RANBP2: variants seen among roughly 807,000 people sequenced by gnomAD.
RANBP2 encodes the protein E3 SUMO-protein ligase RanBP2.
Under a neutral mutation model 303.6 loss-of-function variants are expected in RANBP2, and 57 were observed. That is an observed-to-expected ratio of 0.19 (90% CI 0.15 to 0.23). The LOEUF is 0.23. Ranked by LOEUF, RANBP2 falls within the 10% of genes least tolerant of loss-of-function variation. The probability of loss-of-function intolerance (pLI) is 1.00; values close to 1 mark genes in which losing one functional copy is unlikely to be tolerated. For synonymous variants in RANBP2, 1,167 were observed against 1,301.5 expected, an observed-to-expected ratio of 0.90 and a Z score of 2.23; for missense variants, 3,138 against 3,780.8, an observed-to-expected ratio of 0.83 and a Z score of 4.46.
At chr2:109,142,569 T>C in the RANBP2 span, among the ~76,000 whole-genome samples, 3 of 152,250 alleles carry the variant, frequency 2.0e-5, no homozygotes, top group East Asian at 5.8e-4. Context: ...CCCCAGTGGC[T>C]GAGGGAGGAG....
chr2:109,144,222 C>T, the RANBP2 span, among the ~76,000 whole-genome samples: 5 of 152,240 alleles, frequency 3.3e-5, no homozygotes, highest in Non-Finnish European at 5.9e-5. Context: ...AAGGTAACCA[C>T]GTGAGGTGAT....
chr2:108,795,058 T>C, the RANBP2 span, among the ~76,000 whole-genome samples: 153 of 26,106 alleles, frequency 5.9e-3, no homozygotes, highest in African/African-American at 7.4e-3. Context: ...TAAGTACTTA[T>C]ATATAAAAAG....
At chr2:109,019,232 G>A in the RANBP2 span, among the ~76,000 whole-genome samples, 1,009 of 152,340 alleles carry the variant, frequency 6.6e-3, 26 homozygotes, top group East Asian at 0.077. Context: ...ATCAGGCTTG[G>A]TTTGCATTAG....
chr2:109,423,966 A>G, the RANBP2 span, among the ~76,000 whole-genome samples: 1 of 152,214 alleles, frequency 6.6e-6, no homozygotes, highest in Non-Finnish European at 1.5e-5. Context: ...TCTGGATGAC[A>G]TAGACCCTGG....
At chr2:109,658,468 A>G in the RANBP2 span, among the ~76,000 whole-genome samples, 1 of 152,092 alleles carries the variant, frequency 6.6e-6, no homozygotes, top group Middle Eastern at 3.2e-3. Context: ...AAAGATATAA[A>G]TCAGAACCAC....
At chr2:108,958,941 G>A in the RANBP2 span, among the ~76,000 whole-genome samples, 1 of 152,226 alleles carries the variant, frequency 6.6e-6, no homozygotes, top group African/African-American at 2.4e-5. Flanking sequence ...CCACATCATG[G>A]AATGCCACTT....
chr2:108,768,377 C>T lies in RANBP2; in HGVS notation c.7838C>T (p.Thr2613Ile). Residue 2613 changes from threonine to isoleucine, a missense_variant, in exon 20 of 29, where the codon ACA (threonine) becomes ATA (isoleucine). Physicochemically the swap from Thr to Ile is moderately conservative, Grantham distance 89. Around this residue, in one of 20 missense-constraint regions of RANBP2, gnomAD observed 497 missense variants for 465.8 expected, o/e 1.07. Coordinates refer to ENST00000283195, the MANE Select transcript of RANBP2 (RefSeq NM_006267.5). Reference protein sequence around the residue: ...EESSINYTFKTPEKAKEKKKP... With the variant: ...EESSINYTFKIPEKAKEKKKP... ...TCTTCAATCAACTACACATTTAAAA[C>T]ACCAGAAAAGGGTAAGTACTTTGTT... 6 of 1,611,528 alleles carry T rather than the reference C, an allele frequency of 3.7e-6. No homozygotes were observed. Among genetic ancestry groups the T allele is most frequent in the Non-Finnish European group, 5.1e-6 (6 of 1,179,848 alleles).
the RANBP2 span, among the ~76,000 whole-genome samples, chr2:109,636,678 C>G: frequency 6.6e-6 from 1 of 152,138 alleles, no homozygotes. Flanking sequence ...TGGCTCACAC[C>G]TATAATCCCA....
the RANBP2 span, among the ~76,000 whole-genome samples, chr2:109,686,237 AAGTTCT>A: frequency 6.6e-6 from 1 of 152,236 alleles, no homozygotes; most frequent in East Asian, 1.9e-4. Flanking sequence ...TGGCCACTGG[AAGTTCT>A]ACGGGAGGCT....
At chr2:109,638,750 C>T in the RANBP2 span, among the ~76,000 whole-genome samples, 8 of 152,062 alleles carry the variant, frequency 5.3e-5, no homozygotes, top group East Asian at 1.9e-4. Flanking sequence ...ATTCTTTTAA[C>T]GGCTCATTCA....
At chr2:108,809,800 GT>G in the RANBP2 span, among the ~76,000 whole-genome samples, 1 of 16,970 alleles carries the variant, frequency 5.9e-5, no homozygotes, top group East Asian at 9.3e-3. Context: ...TCCAATTTTT[GT>G]TTGTTTGTTT....
chr2:109,633,859 C>G, the RANBP2 span, among the ~76,000 whole-genome samples: 3 of 149,114 alleles, frequency 2.0e-5, no homozygotes, highest in Admixed American at 6.9e-5. Flanking sequence ...CAATGGCTCA[C>G]GTCTGTAATT....
At chr2:109,203,171 T>C in the RANBP2 span, among the ~76,000 whole-genome samples, 1 of 138,656 alleles carries the variant, frequency 7.2e-6, no homozygotes, top group Admixed American at 6.8e-5. Flanking sequence ...TTGAGTGACA[T>C]CCTCATTGAG....
chr2:109,449,450 C>CA, the RANBP2 span: 1 of 1,613,992 alleles, frequency 6.2e-7, no homozygotes, highest in Non-Finnish European at 8.5e-7. Flanking sequence ...CCAGCCCCAC[C>CA]AACACGGGAT....
the RANBP2 span, among the ~76,000 whole-genome samples, chr2:109,002,346 T>C: frequency 5.1e-4 from 78 of 152,322 alleles, no homozygotes; most frequent in African/African-American, 1.8e-3. Flanking sequence ...TTAGGTTTAA[T>C]GCAAAGGGCA....
the RANBP2 span, among the ~76,000 whole-genome samples, chr2:109,628,314 C>G: frequency 1.3e-3 from 192 of 152,090 alleles, 1 homozygote; most frequent in Middle Eastern, 6.8e-3. Context: ...GCCAACATAG[C>G]AAAACCTCAT....
chr2:108,849,811 C>A, the RANBP2 span, among the ~76,000 whole-genome samples: 2 of 152,246 alleles, frequency 1.3e-5, no homozygotes, highest in African/African-American at 2.4e-5. Context: ...CAGTGTTCAT[C>A]TACTACCTGG....
At position 108,784,033 on chromosome 2, in the gene RANBP2, T is replaced by TA; in HGVS notation, c.*133dup. 1 of 864,936 alleles carries TA rather than the reference T, an allele frequency of 1.2e-6. No homozygotes were observed. Among genetic ancestry groups the TA allele is most frequent in the Non-Finnish European group, 1.8e-6 (1 of 568,608 alleles). The allele number at this position is 864,936 out of a possible 1,614,324, so 53.6% of individuals were successfully genotyped here. On this transcript the variant is annotated 3_prime_UTR_variant, in exon 29 of 29. Coordinates refer to ENST00000283195, the MANE Select transcript of RANBP2 (RefSeq NM_006267.5). ...TTTACAAATGTAAAATTGCAGCTTA[T>TA]AGCTGTTGTCACTTTTTAATGTGTT... is the stretch of plus-strand genomic sequence containing the variant.
chr2:109,501,781 G>T, the RANBP2 span: 1 of 632,812 alleles, frequency 1.6e-6, no homozygotes. Context: ...CATCTCCAAG[G>T]CACCTGGCGG....
Sources: allele counts gnomAD v4.1 joint callset (sites outside exome capture counted in the v4.1 genomes callset), GRCh38; gene constraint gnomAD v4.1.1; regional missense constraint gnomAD v4.1.1; transcripts MANE v1.5; gene names NCBI Gene and HGNC (gene_info 2026-07-23, HGNC 2026-07-21).